The following ZNF135 variants were observed in gnomAD, a reference collection of about 807,000 sequenced individuals.
ZNF135 encodes the protein zinc finger protein 135 (clone pHZ-17).
In ZNF135, 11 loss-of-function variants were observed where a neutral mutation model predicts 12.3. That is an observed-to-expected ratio of 0.89 (90% CI 0.56 to 1.48). The LOEUF is 1.48. ZNF135 is among the 40% of genes most tolerant of loss of function. The probability of loss-of-function intolerance (pLI) is 0.00; values close to 1 mark genes in which losing one functional copy is unlikely to be tolerated. For missense variants in ZNF135, 722 were observed against 815.7 expected (o/e 0.89, Z 1.40); for synonymous variants, 316 against 312.0 (o/e 1.01, Z -0.14).
rs767963519 is a variant in ZNF135, at chr19:58,066,986, A to C, written c.502A>C (p.Asn168His). The C allele has an allele frequency of 6.2e-7, 1 of 1,614,036 alleles. No individual in the cohort carries two copies. Among genetic ancestry groups the C allele is most frequent in the Non-Finnish European group, 8.5e-7 (1 of 1,180,020 alleles). Residue 168 changes from asparagine to histidine, a missense_variant, in exon 5 of 5, where the codon AAC becomes CAC. Coordinates refer to ENST00000313434, the MANE Select transcript of ZNF135 (RefSeq NM_001289401.2). ...GTGGCAGAGGAATGGGTTTGGGGAAAACATAAGTCTGAACCCTGATCTCCC... is the reference window on the plus strand; with the variant it reads ...GTGGCAGAGGAATGGGTTTGGGGAACACATAAGTCTGAACCCTGATCTCCC... ...EQWQRNGFGE[N>H]ISLNPDLPHQ...
In ZNF135 at chr19:58,067,014, A is replaced by G; in HGVS notation, c.530A>G (p.His177Arg). Residue 177 changes from histidine (H) to arginine (R), a missense_variant, in exon 5 of 5, where the codon CAT becomes CGT. Coordinates refer to ENST00000313434, the MANE Select transcript of ZNF135 (RefSeq NM_001289401.2). ...ATAAGTCTGAACCCTGATCTCCCAC[A>G]TCAACCAATGACTCCTGAAAGACAA... ...ENISLNPDLP[H>R]QPMTPERQSP... is the part of the protein sequence containing the mutation. The G allele has an allele frequency of 6.2e-7, 1 of 1,614,206 alleles. No homozygotes were observed. Among genetic ancestry groups the G allele is most frequent in the Non-Finnish European group, 8.5e-7 (1 of 1,180,030 alleles).
chr19:58,060,032 C>G lies in ZNF135; in HGVS notation c.30C>G (p.Asp10Glu), dbSNP rs573064176. 1.6e-4 allele frequency: 259 copies of G among 1,613,514 alleles called. No individual in the cohort carries two copies. The highest frequency in any genetic ancestry group is 2.1e-4 in the African/African-American group (16 of 75,050). Residue 10 changes from aspartate (D) to glutamate (E), a missense_variant, in exon 2 of 5, where the codon GAC (aspartate) becomes GAG (glutamate). Transcript: ENST00000313434. The surrounding 1 kb of genome is among the most constrained non-coding windows in gnomAD (Gnocchi z 4.9). ...CCCCTGGGGTGCGCGTCTCCACAGA[C>G]CCGGTGAGAATCTCGGCCTCCTTGC... is the stretch of plus-strand genomic sequence containing the variant. MTPGVRVSTDPEQVTFEDVV... is the reference protein window; with the variant it reads MTPGVRVSTEPEQVTFEDVV...
At chr19:58,062,470 C>A (rs1231749138) in intron 3 of ZNF135, among the ~76,000 whole-genome samples, 1 of 152,194 alleles carries the variant, frequency 6.6e-6, no homozygotes, top group South Asian at 2.1e-4. Context: ...GCAAGCTCTG[C>A]CTCCCGGGTT....
upstream of ZNF135, chr19:58,059,263 C>A (rs770749000): frequency 1.3e-6 from 2 of 1,577,086 alleles, no homozygotes; most frequent in Non-Finnish European, 8.5e-7. The surrounding 1 kb of genome is among the most constrained non-coding windows in gnomAD (Gnocchi z 6.5). Context: ...CTCGCGCCGG[C>A]GCAGTGTCGG....
At position 58,059,340 on chromosome 19, in the gene ZNF135, G is replaced by GAGGAC; in HGVS notation, c.-35+33_-35+34insACAGG. 7.4e-7 allele frequency: 1 copy of GAGGAC among 1,342,486 alleles called. No homozygotes were observed. The highest frequency in any genetic ancestry group is 9.8e-7 in the Non-Finnish European group (1 of 1,017,972). The allele number at this position is 1,342,486 out of a possible 1,614,324, so 83.2% of individuals were successfully genotyped here. On this transcript the variant is annotated intron_variant, in intron 1 of 4. Transcript: ENST00000313434. This position sits in a 1 kb window ranked among gnomAD's most constrained non-coding sequence, Gnocchi z 6.5. ...GCTAGGCCGGCGAGGAGGGGGAGGG[G>GAGGAC]AGGCCAGGCCGGGCCGGGCCGGGCC...
In ZNF135 at chr19:58,059,366, G is replaced by GGGCCA; in HGVS notation, c.-35+58_-35+59insCCAGG. On this transcript the variant is annotated intron_variant, in intron 1 of 4. Coordinates refer to ENST00000313434, the MANE Select transcript of ZNF135 (RefSeq NM_001289401.2). The surrounding 1 kb of genome is among the most constrained non-coding windows in gnomAD (Gnocchi z 6.5). ...AGGCCAGGCCGGGCCGGGCCGGGCC[G>GGGCCA]GGTGCGGGGGGTCCGGGGATCTTCC... is the stretch of plus-strand genomic sequence containing the variant. 2 of 876,676 alleles carry GGGCCA rather than the reference G, an allele frequency of 2.3e-6. No individual in the cohort carries two copies. The highest frequency in any genetic ancestry group is 3.3e-6 in the Non-Finnish European group (2 of 608,510). 54.3% of individuals were successfully genotyped at this position (876,676 alleles called of 1,614,324 possible).
chr19:58,068,505 T>A lies in ZNF135; in HGVS notation c.*44T>A. The stretch of plus-strand genomic sequence containing the variant: ...GGGGACATAGGAAGACCTTAAGCCA[T>A]AGCTCATCCCTTTCTAGATTTGACC... On this transcript the variant is annotated 3_prime_UTR_variant, in exon 5 of 5. Coordinates refer to ENST00000313434, the MANE Select transcript of ZNF135 (RefSeq NM_001289401.2). 1.3e-6 allele frequency: 2 copies of A among 1,584,772 alleles called. No homozygotes were observed. Among genetic ancestry groups the A allele is most frequent in the Non-Finnish European group, 1.7e-6 (2 of 1,165,130 alleles).
upstream of ZNF135, chr19:58,059,248 T>C: frequency 6.3e-7 from 1 of 1,584,256 alleles, no homozygotes; most frequent in Non-Finnish European, 8.5e-7. This position sits in a 1 kb window ranked among gnomAD's most constrained non-coding sequence, Gnocchi z 6.5. Flanking sequence ...GGAAATGGAG[T>C]TAGGCTCGCG....
At position 58,067,596 on chromosome 19, in the gene ZNF135, A is replaced by G. The variant is rs772737361; in HGVS notation, c.1112A>G (p.Lys371Arg). ...TTCAGCCACAGCTCATCCTTGACCA[A>G]ACACCAGCGAATCCACACAGGGGAG... ...KAFSHSSSLTKHQRIHTGEKP... is the reference protein window; with the variant it reads ...KAFSHSSSLTRHQRIHTGEKP... Residue 371 changes from lysine (K) to arginine (R), a missense_variant, in exon 5 of 5, where the codon AAA (lysine) becomes AGA (arginine). Lys to Arg is a conservative substitution (Grantham distance 26). Transcript: ENST00000313434. 3.1e-6 allele frequency: 5 copies of G among 1,614,036 alleles called. No individual in the cohort carries two copies. Among genetic ancestry groups the G allele is most frequent in the Non-Finnish European group, 1.7e-6 (2 of 1,179,950 alleles).
At position 58,065,586 on chromosome 19, in the gene ZNF135, G is replaced by C. The variant is rs148617530; in HGVS notation, c.257-1155G>C. On this transcript the variant is annotated intron_variant, in intron 4 of 4. Transcript: ENST00000313434. The surrounding 1 kb of genome is among the most constrained non-coding windows in gnomAD (Gnocchi z 4.0). ...CCATCTTCACAGTCAGCAAGGCCTG[G>C]TCAAGTCACATCATATTCACTCTGA... Among the ~76,000 whole-genome samples the C allele has an allele frequency of 2.6e-5, 4 of 152,236 alleles. No homozygotes were observed. The highest frequency in any genetic ancestry group is 4.4e-5 in the Non-Finnish European group (3 of 68,014).
intron 3 of ZNF135, 117 bp downstream of exon 3, chr19:58,061,823 T>C (rs1320300661): frequency 7.4e-7 from 1 of 1,346,842 alleles, no homozygotes; most frequent in Non-Finnish European, 9.9e-7. Context: ...CTGTATGTCT[T>C]GGGCTTTAAG....
chr19:58,060,117 T>G lies in ZNF135; in HGVS notation c.33+82T>G. 2 of 1,598,820 alleles carry G rather than the reference T, an allele frequency of 1.3e-6. No homozygotes were observed. The highest frequency in any genetic ancestry group is 1.7e-6 in the Non-Finnish European group (2 of 1,176,848). ...CGCGGCCTTCTCACGCCCGGCCTCC[T>G]CTTTGCACCCCGTCCCTACTCGCGC... On this transcript the variant is annotated intron_variant, in intron 2 of 4. Transcript: ENST00000313434. The surrounding 1 kb of genome is among the most constrained non-coding windows in gnomAD (Gnocchi z 4.9).
Position 58,065,362 on chromosome 19 carries a change from T to A in ZNF135, c.257-1379T>A, listed in dbSNP as rs2074047184. 2.0e-5 allele frequency among the ~76,000 whole-genome samples: 3 copies of A among 151,978 alleles called. No individual in the cohort carries two copies. The highest frequency in any genetic ancestry group is 2.0e-4 in the Admixed American group (3 of 15,250). On this transcript the variant is annotated intron_variant, in intron 4 of 4. Transcript: ENST00000313434. The surrounding 1 kb of genome is among the most constrained non-coding windows in gnomAD (Gnocchi z 4.0). Reference sequence around the variant, plus strand: ...GTGTGTGTCACCATGCCCAGCTAATTTTTTTTTATTTTTTGTAGAAACAAG... The same window carrying A: ...GTGTGTGTCACCATGCCCAGCTAATATTTTTTTATTTTTTGTAGAAACAAG...
In ZNF135 at chr19:58,068,375, G is replaced by T. The variant is rs147120376; in HGVS notation, c.1891G>T (p.Glu631Ter). The T allele has an allele frequency of 6.2e-7, 1 of 1,614,230 alleles. No homozygotes were observed. The highest frequency in any genetic ancestry group is 8.5e-7 in the Non-Finnish European group (1 of 1,180,046). The change falls in exon 5 of 5, where the codon GAG becomes TAG. Residue 631 changes from glutamate (E) to a stop codon, truncating the protein, a stop_gained. Transcript: ENST00000313434. LOFTEE classifies it low-confidence loss of function (END_TRUNC). ...TCAGCACCGGAGGATCCACACAGGA[G>T]AGAAGCCATATGCATGCAGGGACTG... ...LTQHRRIHTG[E>*]KPYACRDCGK...
rs1232530647 is a variant in ZNF135, at chr19:58,067,375, C to T, written c.891C>T (p.Pro297=). 3.7e-6 allele frequency: 6 copies of T among 1,614,048 alleles called. No individual in the cohort carries two copies. The highest frequency in any genetic ancestry group is 4.2e-6 in the Non-Finnish European group (5 of 1,179,998). The part of the protein sequence containing the change: ...QHQRTHTGEK[P]YECSECGKSF... Reference sequence around the variant, plus strand: ...AGAGAACTCACACAGGTGAGAAGCCCTATGAATGCAGCGAATGTGGGAAAT... The same window carrying T: ...AGAGAACTCACACAGGTGAGAAGCCTTATGAATGCAGCGAATGTGGGAAAT... Residue 297 remains proline, a synonymous_variant, in exon 5 of 5, where the codon CCC becomes CCT. Transcript: ENST00000313434.
rs760932708 is a variant in ZNF135, at chr19:58,066,989, A to C, written c.505A>C (p.Ile169Leu). The change falls in exon 5 of 5, where the codon ATA becomes CTA. Residue 169 changes from isoleucine to leucine, a missense_variant. Physicochemically the swap from Ile to Leu is conservative, Grantham distance 5. Transcript: ENST00000313434. ...QWQRNGFGEN[I>L]SLNPDLPHQP... The stretch of plus-strand genomic sequence containing the variant: ...GCAGAGGAATGGGTTTGGGGAAAAC[A>C]TAAGTCTGAACCCTGATCTCCCACA... 3 of 1,614,218 alleles carry C rather than the reference A, an allele frequency of 1.9e-6. No homozygotes were observed. The highest frequency in any genetic ancestry group is 1.7e-5 in the Admixed American group (1 of 60,030).
chr19:58,059,840 G>C lies in ZNF135; in HGVS notation c.-34-129G>C. The C allele has an allele frequency of 8.8e-7, 1 of 1,130,742 alleles. No homozygotes were observed. The highest frequency in any genetic ancestry group is 1.2e-6 in the Non-Finnish European group (1 of 811,402). 70.0% of individuals were successfully genotyped at this position (1,130,742 alleles called of 1,614,324 possible). On this transcript the variant is annotated intron_variant, in intron 1 of 4. Transcript: ENST00000313434. This position sits in a 1 kb window ranked among gnomAD's most constrained non-coding sequence, Gnocchi z 6.5. Reference sequence around the variant, plus strand: ...GAGGGCCGCCCCACACACAGCAGGCGCTTAAACGGGTACGCGGGGCCCTGG... The same window carrying C: ...GAGGGCCGCCCCACACACAGCAGGCCCTTAAACGGGTACGCGGGGCCCTGG...
At position 58,059,364 on chromosome 19, in the gene ZNF135, C is replaced by CCGGGT. The variant is rs2123460586; in HGVS notation, c.-35+55_-35+59dup. On this transcript the variant is annotated intron_variant, in intron 1 of 4. Transcript: ENST00000313434. The surrounding 1 kb of genome is among the most constrained non-coding windows in gnomAD (Gnocchi z 6.5). ...GGAGGCCAGGCCGGGCCGGGCCGGG[C>CCGGGT]CGGGTGCGGGGGGTCCGGGGATCTT... 9.6e-7 allele frequency: 1 copy of CCGGGT among 1,036,298 alleles called. No individual in the cohort carries two copies. Among genetic ancestry groups the CCGGGT allele is most frequent in the South Asian group, 1.8e-5 (1 of 56,568 alleles). 64.2% of individuals were successfully genotyped at this position (1,036,298 alleles called of 1,614,324 possible). A position where few individuals can be genotyped will look rare whatever the true frequency, so the allele number is the denominator to read the frequency against.
chr19:58,065,995 G>A lies in ZNF135; in HGVS notation c.257-746G>A, dbSNP rs573880137. The stretch of plus-strand genomic sequence containing the variant: ...AGAGTCCTGCCATGAAGGAGGAGGA[G>A]GGAATGCATTTGTTCATTCATTAAG... On this transcript the variant is annotated intron_variant, in intron 4 of 4. Transcript: ENST00000313434. This position sits in a 1 kb window ranked among gnomAD's most constrained non-coding sequence, Gnocchi z 4.0. 1.3e-5 allele frequency among the ~76,000 whole-genome samples: 2 copies of A among 152,256 alleles called. No individual in the cohort carries two copies. Among genetic ancestry groups the A allele is most frequent in the Admixed American group, 1.3e-4 (2 of 15,292 alleles).
Sources: gnomAD v4.1 joint callset for allele counts (sites outside exome capture counted in the v4.1 genomes callset) on GRCh38, gnomAD v4.1.1 for gene constraint, Gnocchi (gnomAD v3.1) non-coding constraint, MANE v1.5 for transcripts, NCBI Gene and HGNC (gene_info 2026-07-23, HGNC 2026-07-21) for gene names.